The following SH2D4B variants were observed in gnomAD, a reference collection of about 807,000 sequenced individuals.
SH2D4B encodes the protein SH2 domain containing 4B, also known as SH2 domain-containing protein 4B.
SH2D4B carries 45 observed loss-of-function variants against 61.5 expected under a neutral mutation model. The ratio of observed to expected loss-of-function variants is 0.73; its 90% CI spans 0.58 to 0.94. The LOEUF is 0.94. Among genes scored for constraint, SH2D4B ranks in the 40% least tolerant of loss-of-function variants. The probability of loss-of-function intolerance (pLI) is 0.00; values close to 1 mark genes in which losing one functional copy is unlikely to be tolerated. For synonymous variants in SH2D4B, 224 were observed against 220.4 expected, an observed-to-expected ratio of 1.02 and a Z score of -0.14; for missense variants, 572 against 574.2, an observed-to-expected ratio of 1.00 and a Z score of 0.04.
At chr10:80,591,082 T>C (rs1842319579) in intron 4 of SH2D4B, among the ~76,000 whole-genome samples, 1 of 151,782 alleles carries the variant, frequency 6.6e-6, no homozygotes, top group Admixed American at 6.6e-5. Flanking sequence ...CTTCCTTCCA[T>C]TTTATGATTG....
intron 7 of SH2D4B, among the ~76,000 whole-genome samples, chr10:80,639,905 T>A (rs1398704181): frequency 6.6e-6 from 1 of 152,236 alleles, no homozygotes; most frequent in Non-Finnish European, 1.5e-5. Flanking sequence ...TAATTAGGGA[T>A]GTTTTTGCAG....
At chr10:80,622,952 G>A (rs1413172489) in intron 6 of SH2D4B, among the ~76,000 whole-genome samples, 1 of 152,178 alleles carries the variant, frequency 6.6e-6, no homozygotes, top group South Asian at 2.1e-4. Flanking sequence ...GTCTCACTCT[G>A]TCACCCAGGT....
intron 1 of SH2D4B, among the ~76,000 whole-genome samples, chr10:80,552,897 C>G (rs911000068): frequency 6.7e-6 from 1 of 149,844 alleles, no homozygotes; most frequent in Non-Finnish European, 1.5e-5. Context: ...CTTTCTCTCT[C>G]TCTCTCTCTC....
intron 6 of SH2D4B, among the ~76,000 whole-genome samples, chr10:80,615,886 T>C (rs1842653984): frequency 6.6e-6 from 1 of 152,230 alleles, no homozygotes; most frequent in Non-Finnish European, 1.5e-5. Context: ...TTGTGAGGAT[T>C]AAATGTATCA....
At chr10:80,595,453 A>AG (rs1411767672) in intron 4 of SH2D4B, among the ~76,000 whole-genome samples, 1 of 152,138 alleles carries the variant, frequency 6.6e-6, no homozygotes, top group Non-Finnish European at 1.5e-5. Flanking sequence ...GAGGAAAGTG[A>AG]GGGGGCCCAT....
At chr10:80,540,942 C>G (rs1841570244) in intron 1 of SH2D4B, 1 of 1,520,902 alleles carries the variant, frequency 6.6e-7, no homozygotes, top group Non-Finnish European at 8.9e-7. Context: ...TGGTGAGACC[C>G]CAGCCCCAGT....
intron 1 of SH2D4B, among the ~76,000 whole-genome samples, chr10:80,561,899 T>C (rs919592568): frequency 1.3e-5 from 2 of 152,174 alleles, no homozygotes; most frequent in African/African-American, 4.8e-5. Flanking sequence ...CAAAATATAC[T>C]TCAACCAAAA....
chr10:80,634,306 C>T lies in SH2D4B; in HGVS notation c.1010C>T (p.Ala337Val). The change falls in exon 7 of 8, where the codon GCA (alanine) becomes GTA (valine). Residue 337 changes from alanine to valine, a missense_variant. By Grantham distance (64) the Ala-to-Val change is moderately conservative. Transcript: ENST00000646907. ...WFHGIISRED[A>V]EALLENMTEG... ...TCAGGAATTATTAGCCGAGAAGATG[C>T]AGAAGCTCTCCTGGAGAACATGACT... 1 of 1,513,446 alleles carries T rather than the reference C, an allele frequency of 6.6e-7. No individual in the cohort carries two copies. The highest frequency in any genetic ancestry group is 8.9e-7 in the Non-Finnish European group (1 of 1,127,028). 93.8% of individuals were successfully genotyped at this position (1,513,446 alleles called of 1,614,324 possible).
rs773391724 is a variant in SH2D4B, at chr10:80,609,447, G to T, written c.884G>T (p.Arg295Leu). The change falls in exon 6 of 8, where the codon CGC (arginine) becomes CTC (leucine). Residue 295 changes from arginine (R) to leucine (L), a missense_variant. Arg to Leu is a moderately radical substitution (Grantham distance 102). Coordinates refer to ENST00000646907, the MANE Select transcript of SH2D4B (RefSeq NM_001388272.1). ...PVSRTWERPL[R>L]PVSRDVIVRW... ...AGCAGGACCTGGGAGCGCCCGCTGC[G>T]CCCAGTCTCCAGAGATGTCATCGTC... 1 of 1,613,932 alleles carries T rather than the reference G, an allele frequency of 6.2e-7. No homozygotes were observed. The highest frequency in any genetic ancestry group is 1.1e-5 in the South Asian group (1 of 91,054).
At chr10:80,611,411 A>G (rs1842597812) in intron 6 of SH2D4B, among the ~76,000 whole-genome samples, 1 of 152,156 alleles carries the variant, frequency 6.6e-6, no homozygotes, top group African/African-American at 2.4e-5. Context: ...TTCTTCTCCC[A>G]GGTCACCACA....
At chr10:80,642,817 C>T (rs1589368012) in intron 7 of SH2D4B, among the ~76,000 whole-genome samples, 1 of 152,170 alleles carries the variant, frequency 6.6e-6, no homozygotes, top group Non-Finnish European at 1.5e-5. Context: ...AGAGTATGCA[C>T]ATTTTAATTA....
chr10:80,561,101 A>G (rs1841897100), intron 1 of SH2D4B, among the ~76,000 whole-genome samples: 1 of 152,232 alleles, frequency 6.6e-6, no homozygotes, highest in African/African-American at 2.4e-5. Flanking sequence ...GATTGTTCAA[A>G]TTATTTGCTG....
intron 1 of SH2D4B, among the ~76,000 whole-genome samples, chr10:80,549,720 G>C (rs570213763): frequency 4.6e-5 from 7 of 152,320 alleles, no homozygotes; most frequent in Admixed American, 3.9e-4. Context: ...GAGGTTCTTA[G>C]TGAGGCAGCT....
intron 4 of SH2D4B, 65 bp downstream of exon 4, chr10:80,588,842 GCTGATGTA>G: frequency 6.3e-7 from 1 of 1,586,316 alleles, no homozygotes; most frequent in Non-Finnish European, 8.6e-7. Context: ...TCCTCCCAAT[GCTGATGTA>G]CTCATTCGTC....
intron 1 of SH2D4B, among the ~76,000 whole-genome samples, chr10:80,547,361 C>T (rs1870136): frequency 0.37 from 57,021 of 152,162 alleles, 12,032 homozygotes; most frequent in African/African-American, 0.58. Flanking sequence ...TGATTTTCCT[C>T]AACCTCCTTC....
At chr10:80,560,056 C>T (rs1589335013) in intron 1 of SH2D4B, among the ~76,000 whole-genome samples, 1 of 138,746 alleles carries the variant, frequency 7.2e-6, no homozygotes, top group Admixed American at 7.8e-5. Flanking sequence ...GGCGTGATCT[C>T]AGCTCACTTC....
chr10:80,616,209 C>G (rs7071672), intron 6 of SH2D4B, among the ~76,000 whole-genome samples: 83,018 of 152,060 alleles, frequency 0.55, 24,614 homozygotes, highest in African/African-American at 0.77. Context: ...CATTTGGAAG[C>G]TTGGTTAGCA....
intron 2 of SH2D4B, 21 bp from the exon 3 acceptor site, chr10:80,571,410 C>G (rs993789752): frequency 6.2e-7 from 1 of 1,612,618 alleles, no homozygotes; most frequent in South Asian, 1.1e-5. Flanking sequence ...CAAGCTTATA[C>G]CTGTGGTGCT....
chr10:80,593,640 C>T (rs1842356689), intron 4 of SH2D4B, among the ~76,000 whole-genome samples: 1 of 152,114 alleles, frequency 6.6e-6, no homozygotes, highest in South Asian at 2.1e-4. Flanking sequence ...ATTTCATCTG[C>T]AGATAGAGAT....
Sources: allele counts gnomAD v4.1 joint callset (sites outside exome capture counted in the v4.1 genomes callset), GRCh38; gene constraint gnomAD v4.1.1; transcripts MANE v1.5; gene names NCBI Gene and HGNC (gene_info 2026-07-23, HGNC 2026-07-21).